PCDHA1: variants seen among roughly 807,000 people sequenced by gnomAD.
PCDHA1 encodes the protein protocadherin alpha-1.
Under a neutral mutation model 61.3 loss-of-function variants are expected in PCDHA1, and 42 were observed. That is an observed-to-expected ratio of 0.69 (90% CI 0.54 to 0.89). PCDHA1 has a LOEUF of 0.89. Among genes scored for constraint, PCDHA1 ranks in the 40% least tolerant of loss-of-function variants. PCDHA1 has a pLI of 0.00. For synonymous variants in PCDHA1, 610 were observed against 553.8 expected (o/e 1.10, Z -1.43); for missense variants, 1,256 against 1,235.3 (o/e 1.02, Z -0.25).
At chr5:140,948,903 CTTAGGTAACTGA>C (rs1213410342) in intron 1 of PCDHA1, among the ~76,000 whole-genome samples, 1 of 151,196 alleles carries the variant, frequency 6.6e-6, no homozygotes, top group Non-Finnish European at 1.5e-5. Context: ...TAAGTGGATT[CTTAGGTAACTGA>C]TTAGGTAACT....
chr5:140,929,470 T>G (rs1554207109), intron 1 of PCDHA1: 3 of 1,296,742 alleles, frequency 2.3e-6, no homozygotes, highest in Admixed American at 2.9e-5. Context: ...CCAAGAAATC[T>G]GGAAGTATAG....
At chr5:140,976,586 T>C (rs1029704575) in intron 1 of PCDHA1, among the ~76,000 whole-genome samples, 2 of 151,988 alleles carry the variant, frequency 1.3e-5, no homozygotes, top group Non-Finnish European at 2.9e-5. Flanking sequence ...AAACACAGAC[T>C]TTTGTGTTAA....
chr5:140,809,609 T>C, intron 1 of PCDHA1: 1 of 1,521,434 alleles, frequency 6.6e-7, no homozygotes, highest in Non-Finnish European at 8.8e-7. Flanking sequence ...ATTTTCGTAT[T>C]GTTTTTCTCT....
At chr5:140,832,847 C>T (rs1022397491) in intron 1 of PCDHA1, among the ~76,000 whole-genome samples, 2 of 151,966 alleles carry the variant, frequency 1.3e-5, no homozygotes, top group African/African-American at 4.8e-5. Flanking sequence ...TGAAGGAGAC[C>T]GTGAAGAGTC....
intron 1 of PCDHA1, among the ~76,000 whole-genome samples, chr5:140,973,225 G>A (rs1554235003): frequency 6.6e-6 from 1 of 152,180 alleles, no homozygotes; most frequent in African/African-American, 2.4e-5. Flanking sequence ...TCCAGGTATA[G>A]TGACCTGAAA....
chr5:140,906,878 C>T (rs557095374), intron 1 of PCDHA1, among the ~76,000 whole-genome samples: 1 of 152,332 alleles, frequency 6.6e-6, no homozygotes, highest in East Asian at 1.9e-4. Context: ...AACACTGTAA[C>T]TTCCTTCTTA....
chr5:140,897,937 C>T (rs1487544322), intron 1 of PCDHA1, among the ~76,000 whole-genome samples: 7 of 152,184 alleles, frequency 4.6e-5, no homozygotes, highest in African/African-American at 1.7e-4. Flanking sequence ...CTCTGATGGC[C>T]AGTGATGATT....
intron 1 of PCDHA1, chr5:140,795,645 A>T (rs1474196647): frequency 6.2e-7 from 1 of 1,614,036 alleles, no homozygotes; most frequent in Non-Finnish European, 8.5e-7. Context: ...GCACCGTTCA[A>T]ATACTTATTA....
intron 1 of PCDHA1, among the ~76,000 whole-genome samples, chr5:140,819,072 A>G (rs1766484697): frequency 6.6e-6 from 1 of 152,220 alleles, no homozygotes; most frequent in Non-Finnish European, 1.5e-5. Flanking sequence ...GACTCATTAT[A>G]CAGGCAGCGC....
At chr5:140,986,618 C>T (rs782259734) in intron 3 of PCDHA1, among the ~76,000 whole-genome samples, 2 of 152,134 alleles carry the variant, frequency 1.3e-5, no homozygotes, top group African/African-American at 2.4e-5. Flanking sequence ...TCAGGCCTTA[C>T]CTAAGGCAAC....
chr5:140,939,758 T>G (rs2092452335), intron 1 of PCDHA1, among the ~76,000 whole-genome samples: 1 of 152,234 alleles, frequency 6.6e-6, no homozygotes, highest in Non-Finnish European at 1.5e-5. Context: ...TGTCATTATA[T>G]AGTATTTCAG....
At position 140,828,716 on chromosome 5, in the gene PCDHA1, A is replaced by C. The variant is rs142386076; in HGVS notation, c.2394+40032A>C. On this transcript the variant is annotated intron_variant, in intron 1 of 3. Coordinates refer to ENST00000504120, the MANE Select transcript of PCDHA1 (RefSeq NM_018900.4). ...GGACAGAGAGGAAGCTCCTGCACACAACTTATTCCTGACAGCCACAGATGG... is the reference window on the plus strand; with the variant it reads ...GGACAGAGAGGAAGCTCCTGCACACCACTTATTCCTGACAGCCACAGATGG... The C allele has an allele frequency of 1.3e-4, 211 of 1,614,274 alleles. No homozygotes were observed. In the African/African-American group the frequency reaches 2.2e-3, roughly 17 times the overall value.
At chr5:140,926,196 T>C (rs1175807987) in intron 1 of PCDHA1, among the ~76,000 whole-genome samples, 1 of 151,596 alleles carries the variant, frequency 6.6e-6, no homozygotes, top group Non-Finnish European at 1.5e-5. Context: ...CAGCACTTCT[T>C]TCGGGGGGCT....
chr5:140,822,465 T>C (rs2150116566), intron 1 of PCDHA1: 21 of 1,613,564 alleles, frequency 1.3e-5, no homozygotes, highest in Non-Finnish European at 1.5e-5. Flanking sequence ...TGTTGATCAA[T>C]GTATTGGATG....
intron 1 of PCDHA1, chr5:140,849,798 C>G (rs1356253349): frequency 1.3e-6 from 2 of 1,598,416 alleles, no homozygotes; most frequent in African/African-American, 1.3e-5. Context: ...CTCGCCTTCA[C>G]TGTGGGCCAC....
intron 1 of PCDHA1, chr5:140,860,787 G>A (rs1038488180): frequency 5.9e-5 from 9 of 152,154 alleles, no homozygotes; most frequent in African/African-American, 2.2e-4. Flanking sequence ...GCCCAGGCTG[G>A]AGTGCAGTGG....
In PCDHA1 at chr5:140,823,200, G is replaced by T. The variant is rs2150123368; in HGVS notation, c.2394+34516G>T. ...ACCCGCCAGGCTGCCACATCTTCAC[G>T]GTGTCTGCACGGGACGCGGACGCGC... On this transcript the variant is annotated intron_variant, in intron 1 of 3. Transcript: ENST00000504120. The T allele has an allele frequency of 9.9e-6, 16 of 1,613,742 alleles. No individual in the cohort carries two copies. In the South Asian group the frequency reaches 1.6e-4, roughly 17 times the overall value.
At chr5:140,811,925 A>T (rs1279323596) in intron 1 of PCDHA1, 2 of 152,144 alleles carry the variant, frequency 1.3e-5, no homozygotes, top group Non-Finnish European at 2.9e-5. Context: ...GGTAGATTGC[A>T]AAAATTTTCT....
At position 140,827,909 on chromosome 5, in the gene PCDHA1, A is replaced by C. The variant is rs2150149733; in HGVS notation, c.2394+39225A>C. On this transcript the variant is annotated intron_variant, in intron 1 of 3. Transcript: ENST00000504120. ...ATTTCTTACCTTTTGGAGCCGCATGATGTCGCTGTCTACCATGAAGTTATA... is the reference window on the plus strand; with the variant it reads ...ATTTCTTACCTTTTGGAGCCGCATGCTGTCGCTGTCTACCATGAAGTTATA... 8.5e-6 allele frequency: 7 copies of C among 822,554 alleles called. No individual in the cohort carries two copies. In the East Asian group the frequency reaches 1.5e-4, roughly 17 times the overall value. The allele number at this position is 822,554 out of a possible 1,614,324, so 51.0% of individuals were successfully genotyped here. A position where few individuals can be genotyped will look rare whatever the true frequency, so the allele number is the denominator to read the frequency against.
Sources: gnomAD v4.1 joint callset for allele counts (sites outside exome capture counted in the v4.1 genomes callset) on GRCh38, gnomAD v4.1.1 for gene constraint, MANE v1.5 for transcripts, NCBI Gene and HGNC (gene_info 2026-07-23, HGNC 2026-07-21) for gene names.